PRR14L: variants seen among roughly 807,000 people sequenced by gnomAD.
The protein encoded by PRR14L is proline rich 14 like.
Under a neutral mutation model 155.0 loss-of-function variants are expected in PRR14L, and 80 were observed. The observed-to-expected ratio is 0.52, with a 90% CI of 0.43 to 0.62. The LOEUF (loss-of-function observed/expected upper bound fraction) is 0.62. Among genes scored for constraint, PRR14L ranks in the 20% least tolerant of loss-of-function variants. The probability of loss-of-function intolerance (pLI) is 0.00; values close to 1 mark genes in which losing one functional copy is unlikely to be tolerated. For missense variants in PRR14L, 2,469 were observed against 2,548.0 expected (o/e 0.97, Z 0.67); for synonymous variants, 883 against 916.0 (o/e 0.96, Z 0.65).
At chr22:31,731,482 T>G (rs185605732) in intron 2 of PRR14L, among the ~76,000 whole-genome samples, 2,219 of 145,928 alleles carry the variant, frequency 0.015, 56 homozygotes, top group African/African-American at 0.055. Flanking sequence ...GCAGGAGAAT[T>G]GCTTGAACCC....
At chr22:31,737,944 G>A (rs546578464) in intron 2 of PRR14L, among the ~76,000 whole-genome samples, 15 of 152,094 alleles carry the variant, frequency 9.9e-5, no homozygotes, top group African/African-American at 3.6e-4. Context: ...GAACCCAGAA[G>A]GCAGAGGTTG....
chr22:31,685,738 T>C lies in PRR14L; in HGVS notation c.6245A>G (p.Gln2082Arg). The change falls in exon 9 of 9, where the codon CAG (glutamine) becomes CGG (arginine). Residue 2082 changes from glutamine (Q) to arginine (R), a missense_variant. Physicochemically the swap from Gln to Arg is conservative, Grantham distance 43. Transcript: ENST00000327423. ...RNGTLISISQ[Q>R]KRKRVLEFQD... ...AAATTCTAGAACTCGCTTCCTCTTC[T>C]GTTGGCTGATTGAGATTAGTGTACC... 6.4e-7 allele frequency: 1 copy of C among 1,551,696 alleles called. No individual in the cohort carries two copies. Among genetic ancestry groups the C allele is most frequent in the Non-Finnish European group, 8.7e-7 (1 of 1,146,994 alleles).
In PRR14L at chr22:31,715,241, G is replaced by T; in HGVS notation, c.2598C>A (p.Ser866Arg). ...TGTTTCTGATCTTATCTCCTGGAAG[G>T]CTGCCATTCGTTTCTTTCCCATCAA... ...RELDGKETNG[S>R]LPGDKIRNKM... The change falls in exon 4 of 9, where the codon AGC (serine) becomes AGA (arginine). Residue 866 changes from serine (S) to arginine (R), a missense_variant. Coordinates refer to ENST00000327423, the MANE Select transcript of PRR14L (RefSeq NM_173566.3). 6.4e-7 allele frequency: 1 copy of T among 1,552,290 alleles called. No homozygotes were observed. The highest frequency in any genetic ancestry group is 8.7e-7 in the Non-Finnish European group (1 of 1,147,134).
rs376439908 is a variant in PRR14L at position 31,692,244 on chromosome 22, AT to A, written c.6108-4018del. ...TAACTAATTTTTTCAGGAACTGCCA[AT>A]TTTTTTTTTTACAGTGGCTATACCA... is the stretch of plus-strand genomic sequence containing the variant. On this transcript the variant is annotated intron_variant, in intron 7 of 8. Coordinates refer to ENST00000327423, the MANE Select transcript of PRR14L (RefSeq NM_173566.3). 6.6e-4 allele frequency among the ~76,000 whole-genome samples: 98 copies of A among 148,168 alleles called. 1 individual carries two copies. The highest frequency in any genetic ancestry group is 2.1e-3 in the African/African-American group (86 of 40,654).
At chr22:31,704,625 G>GCA (rs756504993) in intron 5 of PRR14L, 30 bp downstream of exon 5, 119 of 1,583,094 alleles carry the variant, frequency 7.5e-5, no homozygotes, top group Non-Finnish European at 4.9e-5. Flanking sequence ...ACGCACACGC[G>GCA]CACACACACG....
intron 4 of PRR14L, among the ~76,000 whole-genome samples, chr22:31,707,329 AG>A (rs1483450866): frequency 2.0e-5 from 3 of 151,736 alleles, no homozygotes; most frequent in African/African-American, 7.3e-5. Context: ...GGGTGAAATG[AG>A]TAACTACCAT....
chr22:31,726,088 C>T (rs150919449), intron 2 of PRR14L, among the ~76,000 whole-genome samples: 19 of 152,018 alleles, frequency 1.2e-4, no homozygotes, highest in Non-Finnish European at 2.4e-4. Context: ...AAAATTTCTA[C>T]TTATCTAGAA....
chr22:31,709,131 A>T (rs1268185182), intron 4 of PRR14L, among the ~76,000 whole-genome samples: 14 of 148,922 alleles, frequency 9.4e-5, no homozygotes, highest in Non-Finnish European at 1.8e-4. Flanking sequence ...CTGACATGGG[A>T]TTTATTTCTC....
At position 31,738,466 on chromosome 22, in the gene PRR14L, A is replaced by G. The variant is rs775024541; in HGVS notation, c.395T>C (p.Ile132Thr). 1.3e-6 allele frequency: 2 copies of G among 1,552,198 alleles called. No homozygotes were observed. Among genetic ancestry groups the G allele is most frequent in the African/African-American group, 1.4e-5 (1 of 73,144 alleles). Residue 132 changes from isoleucine (I) to threonine (T), a missense_variant, in exon 2 of 9, where the codon ATA becomes ACA. Transcript: ENST00000327423. ...CTTTGCTCCCTCAGAGGGTTCTCTT[A>G]TAATTCCTGCCTGGCCCCCTGGATC... ...FRDPGGQAGI[I>T]REPSEGAKED...
rs2074563818 is a variant in PRR14L, at chr22:31,701,655, C to G, written c.6107+1G>C. The G allele has an allele frequency of 6.3e-7, 1 of 1,596,610 alleles. No homozygotes were observed. Among genetic ancestry groups the G allele is most frequent in the Non-Finnish European group, 8.5e-7 (1 of 1,171,250 alleles). ...TAGCTTGTAACAGAGAAGGAGCTCA[C>G]CTTTTGGGTCGAGGAAGGCCCATGG... On this transcript the variant is annotated splice_donor_variant, in intron 7 of 8. Transcript: ENST00000327423. LOFTEE classifies it high-confidence loss of function.
intron 3 of PRR14L, among the ~76,000 whole-genome samples, chr22:31,717,862 C>A (rs886522961): frequency 2.6e-5 from 4 of 151,744 alleles, no homozygotes; most frequent in African/African-American, 9.7e-5. Context: ...TCAGCTCAAG[C>A]AATTTTCCCG....
chr22:31,731,414 ATTAG>A (rs1333883446), intron 2 of PRR14L, among the ~76,000 whole-genome samples: 1 of 151,706 alleles, frequency 6.6e-6, no homozygotes. Flanking sequence ...AATACAAAAA[ATTAG>A]TTAGCCAGGC....
At chr22:31,726,142 CT>C (rs2074715390) in intron 2 of PRR14L, among the ~76,000 whole-genome samples, 2 of 151,414 alleles carry the variant, frequency 1.3e-5, no homozygotes, top group East Asian at 3.9e-4. Flanking sequence ...TAACAGAGGT[CT>C]AAAAAAAACT....
chr22:31,723,226 C>T (rs759653697), intron 3 of PRR14L, among the ~76,000 whole-genome samples: 1 of 152,168 alleles, frequency 6.6e-6, no homozygotes, highest in African/African-American at 2.4e-5. Flanking sequence ...GAAAAAAAAT[C>T]AAATATTTTA....
At chr22:31,736,563 C>T (rs1266040574) in intron 2 of PRR14L, among the ~76,000 whole-genome samples, 1 of 152,152 alleles carries the variant, frequency 6.6e-6, no homozygotes, top group Non-Finnish European at 1.5e-5. Context: ...GGGAGCCTAG[C>T]CTAGGCAGCC....
chr22:31,685,216 G>T lies in PRR14L; in HGVS notation c.*311C>A. The T allele has an allele frequency of 3.8e-6, 1 of 264,146 alleles. No individual in the cohort carries two copies. Among genetic ancestry groups the T allele is most frequent in the African/African-American group, 2.2e-5 (1 of 45,456 alleles). The allele number at this position is 264,146 out of a possible 1,614,324, so 16.4% of individuals were successfully genotyped here. On this transcript the variant is annotated 3_prime_UTR_variant, in exon 9 of 9. Transcript: ENST00000327423. ...ATCCTAGTGTTACTGAAGATAGGCT[G>T]CTGCTTCCTCCTGTGGATGGCAGAG...
At chr22:31,719,461 T>TA (rs1232728439) in intron 3 of PRR14L, among the ~76,000 whole-genome samples, 4 of 152,110 alleles carry the variant, frequency 2.6e-5, no homozygotes, top group African/African-American at 9.7e-5. Flanking sequence ...ATCTAATTCT[T>TA]ACTAGAATGT....
Position 31,714,766 on chromosome 22 carries a change from G to A in PRR14L, c.3073C>T (p.Leu1025=). 9 of 1,552,342 alleles carry A rather than the reference G, an allele frequency of 5.8e-6. No individual in the cohort carries two copies. Among genetic ancestry groups the A allele is most frequent in the Non-Finnish European group, 7.8e-6 (9 of 1,147,144 alleles). ...CATTTCTTTGGACTACCACAAGGTA[G>A]TGAGTTATTACTGCCTGAGCTGACC... ...LLVSSGSNNS[L]PCGSPKKCNL... The change falls in exon 4 of 9, where the codon CTA becomes TTA. Residue 1025 remains leucine, a synonymous_variant. Transcript: ENST00000327423.
chr22:31,715,350 T>C lies in PRR14L; in HGVS notation c.2489A>G (p.His830Arg). Residue 830 changes from histidine (H) to arginine (R), a missense_variant, in exon 4 of 9, where the codon CAC (histidine) becomes CGC (arginine). Around this residue, in one of 2 missense-constraint regions of PRR14L, gnomAD observed 2,363 missense variants for 2,371.6 expected, o/e 1.00. Coordinates refer to ENST00000327423, the MANE Select transcript of PRR14L (RefSeq NM_173566.3). ...TGTTCCTTGGCAGCAGTGATCACGGTGCTGAAATGCATTTTCATATTTTGT... is the reference window on the plus strand; with the variant it reads ...TGTTCCTTGGCAGCAGTGATCACGGCGCTGAAATGCATTTTCATATTTTGT... ...LITKYENAFQ[H>R]RDHCCQGTGH... The C allele has an allele frequency of 1.9e-6, 3 of 1,552,100 alleles. No homozygotes were observed. Among genetic ancestry groups the C allele is most frequent in the South Asian group, 1.2e-5 (1 of 84,068 alleles).
Sources: gnomAD v4.1 joint callset for allele counts (sites outside exome capture counted in the v4.1 genomes callset) on GRCh38, gnomAD v4.1.1 for gene constraint, gnomAD v4.1.1 regional missense constraint, MANE v1.5 for transcripts, NCBI Gene and HGNC (gene_info 2026-07-23, HGNC 2026-07-21) for gene names.